The following OR2L3 variants were observed in gnomAD, a reference collection of about 807,000 sequenced individuals.
OR2L3 encodes olfactory receptor family 2 subfamily L member 3.
For synonymous variants in OR2L3, 131 were observed against 139.1 expected, an observed-to-expected ratio of 0.94 and a Z score of 0.41; for missense variants, 369 against 376.6, an observed-to-expected ratio of 0.98 and a Z score of 0.17.
intron 1 of OR2L3, among the ~76,000 whole-genome samples, chr1:248,057,240 A>G (rs1663462907): frequency 6.6e-6 from 1 of 152,110 alleles, no homozygotes; most frequent in Non-Finnish European, 1.5e-5. Context: ...TGGGGTATTA[A>G]AGTCTCTCAC....
At chr1:248,060,583 T>TA in intron 1 of OR2L3, 78 bp from the exon 2 acceptor site, 2 of 913,484 alleles carry the variant, frequency 2.2e-6, no homozygotes, top group Non-Finnish European at 3.5e-6. Flanking sequence ...CTCAAGAATT[T>TA]ACTGAGGGGC....
At chr1:248,060,416 G>T (rs1371280201) in intron 1 of OR2L3, among the ~76,000 whole-genome samples, 1 of 152,100 alleles carries the variant, frequency 6.6e-6, no homozygotes, top group African/African-American at 2.4e-5. Flanking sequence ...AGACCATATT[G>T]ACATAATTTG....
chr1:248,048,921 C>CTTTTTTT (rs201552371), intron 1 of OR2L3, among the ~76,000 whole-genome samples: 2 of 141,958 alleles, frequency 1.4e-5, no homozygotes, highest in African/African-American at 2.8e-5. Flanking sequence ...TTTTCTCTCT[C>CTTTTTTT]TCTTTTTTTT....
Position 248,061,386 on chromosome 1 carries a change from A to C in OR2L3, c.705A>C (p.Lys235Asn). The C allele has an allele frequency of 6.2e-7, 1 of 1,614,010 alleles. No homozygotes were observed. Among genetic ancestry groups the C allele is most frequent in the Non-Finnish European group, 8.5e-7 (1 of 1,180,002 alleles). The change falls in exon 2 of 2, where the codon AAA becomes AAC. Residue 235 changes from lysine (K) to asparagine (N), a missense_variant. Lys to Asn is a moderately conservative substitution (Grantham distance 94). Transcript: ENST00000359959. Reference protein sequence around the residue: ...YHMKSAEGRKKAYLTCSTHLT... With the variant: ...YHMKSAEGRKNAYLTCSTHLT... ...TGAAATCTGCAGAAGGGAGGAAGAA[A>C]GCCTACCTGACCTGCAGCACCCACC...
chr1:248,049,085 C>T (rs555067296), intron 1 of OR2L3, among the ~76,000 whole-genome samples: 90 of 152,194 alleles, frequency 5.9e-4, no homozygotes, highest in Non-Finnish European at 2.9e-4. Flanking sequence ...TCTGTGCCTC[C>T]GTGGAAAACT....
intron 1 of OR2L3, among the ~76,000 whole-genome samples, chr1:248,051,642 T>C (rs902711385): frequency 6.6e-6 from 1 of 152,116 alleles, no homozygotes; most frequent in African/African-American, 2.4e-5. Context: ...CTATGTTCAT[T>C]ATTTTAGTGA....
chr1:248,049,446 C>T (rs1405603622), intron 1 of OR2L3, among the ~76,000 whole-genome samples: 5 of 152,164 alleles, frequency 3.3e-5, no homozygotes, highest in African/African-American at 4.8e-5. Context: ...ACTTGATTTA[C>T]AGAGGAGATT....
chr1:248,055,615 G>A (rs779025908), intron 1 of OR2L3, among the ~76,000 whole-genome samples: 2 of 152,182 alleles, frequency 1.3e-5, no homozygotes, highest in Non-Finnish European at 2.9e-5. Context: ...AAATTAGCCA[G>A]GCATGGTGTT....
chr1:248,053,655 C>T (rs138793652), intron 1 of OR2L3, among the ~76,000 whole-genome samples: 28 of 152,224 alleles, frequency 1.8e-4, no homozygotes, highest in South Asian at 4.1e-4. Flanking sequence ...CCATTCTGAT[C>T]GGCAGCAGAT....
At chr1:248,053,966 AT>A (rs1284773794) in intron 1 of OR2L3, among the ~76,000 whole-genome samples, 1 of 152,068 alleles carries the variant, frequency 6.6e-6, no homozygotes. Flanking sequence ...GTTTAGTTAG[AT>A]CCCATTTGTC....
intron 1 of OR2L3, among the ~76,000 whole-genome samples, chr1:248,048,356 T>A (rs1292732645): frequency 6.6e-6 from 1 of 152,226 alleles, no homozygotes; most frequent in Non-Finnish European, 1.5e-5. Flanking sequence ...TAAGATCAGT[T>A]ATTCCTAAGT....
rs557172259 is a variant in OR2L3 at position 248,059,070 on chromosome 1, C to T, written c.-21-1591C>T. ...CATCTCTGAAGATATGAATTCTGAT[C>T]ACAACAATTCATTCTTTCTGCATTT... On this transcript the variant is annotated intron_variant, in intron 1 of 1. Coordinates refer to ENST00000359959, the MANE Select transcript of OR2L3 (RefSeq NM_001004687.2). Among the ~76,000 whole-genome samples the T allele has an allele frequency of 1.3e-4, 20 of 152,142 alleles. No individual in the cohort carries two copies. In the South Asian group the frequency reaches 1.9e-3, roughly 14 times the overall value.
rs1038220652 is a variant in OR2L3, at chr1:248,061,802, C to A, written c.*182C>A. The A allele has an allele frequency of 4.4e-6, 2 of 456,972 alleles. No homozygotes were observed. The highest frequency in any genetic ancestry group is 3.7e-6 in the Non-Finnish European group (1 of 269,212). 28.3% of individuals were successfully genotyped at this position (456,972 alleles called of 1,614,324 possible). On this transcript the variant is annotated 3_prime_UTR_variant, in exon 2 of 2. Transcript: ENST00000359959. ...ATATGTATATATAACTCCAAACAAC[C>A]TTTTTTCTTCATGGCATTGTTTCCA...
chr1:248,047,809 G>T (rs1308788524), intron 1 of OR2L3, among the ~76,000 whole-genome samples: 2 of 152,170 alleles, frequency 1.3e-5, no homozygotes, highest in Admixed American at 1.3e-4. Context: ...TTATGTTGAT[G>T]ATGCTGGCAA....
rs1375309375 is a variant in OR2L3 at position 248,061,174 on chromosome 1, A to T, written c.493A>T (p.Ile165Phe). 2 of 1,612,798 alleles carry T rather than the reference A, an allele frequency of 1.2e-6. No homozygotes were observed. Among genetic ancestry groups the T allele is most frequent in the African/African-American group, 2.7e-5 (2 of 74,366 alleles). Residue 165 changes from isoleucine (I) to phenylalanine (F), a missense_variant, in exon 2 of 2, where the codon ATT (isoleucine) becomes TTT (phenylalanine). Ile to Phe is a conservative substitution (Grantham distance 21, BLOSUM62 0). Coordinates refer to ENST00000359959, the MANE Select transcript of OR2L3 (RefSeq NM_001004687.2). ...TGCTCACACTGTATATGTACTCCAT[A>T]TTCCTTATTGCCAATCCAGGGCCAT... is the stretch of plus-strand genomic sequence containing the variant. ...ACAHTVYVLH[I>F]PYCQSRAINH... is the part of the protein sequence containing the mutation.
intron 1 of OR2L3, among the ~76,000 whole-genome samples, chr1:248,052,904 T>A (rs1359897054): frequency 6.6e-6 from 1 of 152,112 alleles, no homozygotes; most frequent in Admixed American, 6.5e-5. Flanking sequence ...ATTCTACTAA[T>A]TTTTTTGGCT....
intron 1 of OR2L3, among the ~76,000 whole-genome samples, chr1:248,052,599 C>T (rs1205720634): frequency 2.0e-5 from 3 of 151,914 alleles, no homozygotes; most frequent in Admixed American, 6.6e-5. Flanking sequence ...GGCGTGGTGG[C>T]GGGCACCTGT....
rs966183590 is a variant in OR2L3, at chr1:248,061,742, A to G, written c.*122A>G. 1.5e-4 allele frequency: 141 copies of G among 918,874 alleles called. 1 individual carries two copies. The highest frequency in any genetic ancestry group is 6.5e-4 in the Middle Eastern group (2 of 3,096). 56.9% of individuals were successfully genotyped at this position (918,874 alleles called of 1,614,324 possible). A position where few individuals can be genotyped will look rare whatever the true frequency, so the allele number is the denominator to read the frequency against. On this transcript the variant is annotated 3_prime_UTR_variant, in exon 2 of 2. Coordinates refer to ENST00000359959, the MANE Select transcript of OR2L3 (RefSeq NM_001004687.2). ...AAAAGTAATCAAGGTAAGAGAAAAA[A>G]ATCACTGATTTCTGGACAAAATTGT...
At position 248,061,563 on chromosome 1, in the gene OR2L3, G is replaced by A. The variant is rs1663644990; in HGVS notation, c.882G>A (p.Lys294=). The A allele has an allele frequency of 1.2e-6, 2 of 1,613,720 alleles. No individual in the cohort carries two copies. The highest frequency in any genetic ancestry group is 2.2e-5 in the East Asian group (1 of 44,876). The part of the protein sequence containing the change: ...LNPIIYSLRN[K]EVMGALTRVS... ...CCATCATCTATAGCCTGAGGAACAA[G>A]GAGGTGATGGGGGCCCTGACACGAG... Residue 294 remains lysine, a synonymous_variant, in exon 2 of 2, where the codon AAG becomes AAA. Transcript: ENST00000359959.
Sources: allele counts gnomAD v4.1 joint callset (sites outside exome capture counted in the v4.1 genomes callset), GRCh38; gene constraint gnomAD v4.1.1; transcripts MANE v1.5; gene names NCBI Gene and HGNC (gene_info 2026-07-23, HGNC 2026-07-21).